Variants in DCDC1 observed in about 807,000 individuals in gnomAD.
DCDC1 encodes doublecortin domain containing 1.
A neutral mutation model predicts 178.3 loss-of-function variants in DCDC1; 200 were observed. That is an observed-to-expected ratio of 1.12 (90% CI 1.00 to 1.26). The LOEUF (loss-of-function observed/expected upper bound fraction) is 1.26. DCDC1 is among the 50% of genes most tolerant of loss of function. The pLI is 0.00. For synonymous variants in DCDC1, 690 were observed against 604.8 expected, an observed-to-expected ratio of 1.14 and a Z score of -2.07; for missense variants, 1,983 against 1,749.2, an observed-to-expected ratio of 1.13 and a Z score of -2.38.
intron 20 of DCDC1, among the ~76,000 whole-genome samples, chr11:31,034,380 C>A (rs890207399): frequency 2.6e-5 from 4 of 151,882 alleles, no homozygotes; most frequent in African/African-American, 9.7e-5. Flanking sequence ...CCTAAGTGAA[C>A]GTTTATAAAG....
chr11:30,920,200 G>A (rs1946145152), intron 25 of DCDC1, among the ~76,000 whole-genome samples: 1 of 152,128 alleles, frequency 6.6e-6, no homozygotes, highest in Admixed American at 6.5e-5. Context: ...TGCAAATGAG[G>A]GTCAATGACA....
Position 31,022,947 on chromosome 11 carries a change from A to G in DCDC1, c.2591+41522T>C, listed in dbSNP as rs576932178. On this transcript the variant is annotated intron_variant, in intron 20 of 38. Coordinates refer to ENST00000684477, the MANE Select transcript of DCDC1 (RefSeq NM_001387274.1). The stretch of plus-strand genomic sequence containing the variant: ...GTGACTTTTGTAAGTTTTAACCATC[A>G]TTTGCCCATCATGACAACCTTTCAG... 9.9e-5 allele frequency among the ~76,000 whole-genome samples: 15 copies of G among 152,198 alleles called. No individual in the cohort carries two copies. The South Asian group carries it at 2.7e-3, about 27-fold the overall frequency.
chr11:31,152,423 A>G (rs1345124226), intron 9 of DCDC1, among the ~76,000 whole-genome samples: 2 of 152,224 alleles, frequency 1.3e-5, no homozygotes, highest in African/African-American at 2.4e-5. Flanking sequence ...GTGTTGCTCT[A>G]TGCAGGGTAA....
chr11:31,218,650 T>C (rs978454531), intron 9 of DCDC1, among the ~76,000 whole-genome samples: 1 of 152,110 alleles, frequency 6.6e-6, no homozygotes, highest in East Asian at 1.9e-4. Flanking sequence ...AAAAGGGTCA[T>C]AATAAAATGT....
At chr11:30,923,615 A>AT (rs1156676512) in intron 23 of DCDC1, among the ~76,000 whole-genome samples, 10 of 149,074 alleles carry the variant, frequency 6.7e-5, no homozygotes, top group East Asian at 3.9e-4. Context: ...AATAATAATA[A>AT]TAATAATTAT....
intron 20 of DCDC1, among the ~76,000 whole-genome samples, chr11:31,044,789 G>C (rs572300075): frequency 6.6e-6 from 1 of 152,134 alleles, no homozygotes; most frequent in Admixed American, 6.5e-5. Flanking sequence ...ATTTGGACTT[G>C]GTGAAAACTC....
intron 7 of DCDC1, among the ~76,000 whole-genome samples, chr11:31,287,966 C>T (rs1946957946): frequency 6.6e-6 from 1 of 150,906 alleles, no homozygotes; most frequent in Non-Finnish European, 1.5e-5. Flanking sequence ...TTCTTCACCA[C>T]TGTAATTTCC....
chr11:31,147,056 ACCTGGTACTTGTC>A (rs1413678921), intron 9 of DCDC1, among the ~76,000 whole-genome samples: 1 of 152,078 alleles, frequency 6.6e-6, no homozygotes, highest in Non-Finnish European at 1.5e-5. Context: ...GTTTTCATTT[ACCTGGTACTTGTC>A]TTCCTCCCTA....
chr11:31,275,629 C>T (rs927077705), intron 7 of DCDC1, among the ~76,000 whole-genome samples: 2 of 152,064 alleles, frequency 1.3e-5, no homozygotes, highest in East Asian at 1.9e-4. Context: ...CTCAGCCTCC[C>T]GAATAGCTGG....
chr11:30,864,399 T>A lies in DCDC1; in HGVS notation c.*974A>T, dbSNP rs1240139861. 6.6e-6 allele frequency: 1 copy of A among 152,244 alleles called. No individual in the cohort carries two copies. The highest frequency in any genetic ancestry group is 1.5e-5 in the Non-Finnish European group (1 of 68,048). The allele number at this position is 152,244 out of a possible 1,614,324, so 9.4% of individuals were successfully genotyped here. A position where few individuals can be genotyped will look rare whatever the true frequency, so the allele number is the denominator to read the frequency against. Reference sequence around the variant, plus strand: ...ATGACATTTCTTTCATTTGCACAATTTCGAGAAGTGTTTCTTTCCTCTGAA... The same window carrying A: ...ATGACATTTCTTTCATTTGCACAATATCGAGAAGTGTTTCTTTCCTCTGAA... On this transcript the variant is annotated 3_prime_UTR_variant, in exon 39 of 39. Transcript: ENST00000684477.
rs568262528 is a variant in DCDC1 at position 31,017,129 on chromosome 11, G to A, written c.2591+47340C>T. Among the ~76,000 whole-genome samples the A allele has an allele frequency of 1.8e-3, 271 of 152,092 alleles. 1 individual carries two copies. The highest frequency in any genetic ancestry group is 6.1e-3 in the African/African-American group (253 of 41,486). On this transcript the variant is annotated intron_variant, in intron 20 of 38. Coordinates refer to ENST00000684477, the MANE Select transcript of DCDC1 (RefSeq NM_001387274.1). Reference sequence around the variant, plus strand: ...TAGATACATTATACACAAAACAGGAGAAGTAAAAAAAAGATTAGCTAAAGA... The same window carrying A: ...TAGATACATTATACACAAAACAGGAAAAGTAAAAAAAAGATTAGCTAAAGA...
intron 20 of DCDC1, among the ~76,000 whole-genome samples, chr11:30,992,922 T>C (rs1414840183): frequency 6.6e-6 from 1 of 152,160 alleles, no homozygotes; most frequent in Non-Finnish European, 1.5e-5. Context: ...CCAACAAGTA[T>C]ATTGTACAGC....
Position 31,152,083 on chromosome 11 carries a change from T to G in DCDC1, c.1222-14299A>C, listed in dbSNP as rs367967098. Among the ~76,000 whole-genome samples the G allele has an allele frequency of 7.4e-4, 113 of 152,302 alleles. 4 individuals carry two copies. The South Asian group carries it at 0.022, about 30-fold the overall frequency. The stretch of plus-strand genomic sequence containing the variant: ...ATAAATATAATTATTATTTGTCAAT[T>G]AAAAATAAAATTAAATATGAATAAT... On this transcript the variant is annotated intron_variant, in intron 9 of 38. Coordinates refer to ENST00000684477, the MANE Select transcript of DCDC1 (RefSeq NM_001387274.1).
intron 8 of DCDC1, among the ~76,000 whole-genome samples, chr11:31,251,730 G>T (rs950606215): frequency 3.9e-5 from 6 of 152,052 alleles, no homozygotes; most frequent in African/African-American, 1.4e-4. Flanking sequence ...AGAGAGTCAG[G>T]AAAGTTTCTC....
chr11:31,099,421 A>G (rs1958356219), intron 15 of DCDC1, among the ~76,000 whole-genome samples: 1 of 152,130 alleles, frequency 6.6e-6, no homozygotes, highest in Admixed American at 6.5e-5. Context: ...AGAATTCCCT[A>G]ATATTGAATT....
chr11:31,328,000 G>T, intron 3 of DCDC1, 117 bp downstream of exon 3: 3 of 1,066,864 alleles, frequency 2.8e-6, no homozygotes, highest in Non-Finnish European at 3.7e-6. Flanking sequence ...AAAGTGCTGG[G>T]ATTACAGGCA....
At chr11:31,012,921 T>C (rs1484159410) in intron 20 of DCDC1, among the ~76,000 whole-genome samples, 1 of 152,128 alleles carries the variant, frequency 6.6e-6, no homozygotes, top group Non-Finnish European at 1.5e-5. Context: ...AGGTAAACTC[T>C]GAAGAACGAC....
chr11:30,953,641 C>A (rs2134498298), intron 20 of DCDC1, among the ~76,000 whole-genome samples: 1 of 152,156 alleles, frequency 6.6e-6, no homozygotes, highest in East Asian at 1.9e-4. Context: ...AGACCCTCAG[C>A]AGAATGGTCC....
chr11:31,276,456 G>C (rs1565535604), intron 7 of DCDC1, among the ~76,000 whole-genome samples: 1 of 151,982 alleles, frequency 6.6e-6, no homozygotes, highest in Non-Finnish European at 1.5e-5. Flanking sequence ...TTTGAGAAAG[G>C]GAATCTGTTT....
Sources: gnomAD v4.1 joint callset for allele counts (sites outside exome capture counted in the v4.1 genomes callset) on GRCh38, gnomAD v4.1.1 for gene constraint, MANE v1.5 for transcripts, NCBI Gene and HGNC (gene_info 2026-07-23, HGNC 2026-07-21) for gene names.